The following LRRIQ1 variants were observed in gnomAD, a reference collection of about 807,000 sequenced individuals.
LRRIQ1 encodes the protein leucine rich repeats and IQ motif containing 1.
A neutral mutation model predicts 211.9 loss-of-function variants in LRRIQ1; 210 were observed. The observed-to-expected ratio is 0.99, with a 90% CI of 0.89 to 1.11. LRRIQ1 has a LOEUF of 1.11. Ranked by LOEUF, LRRIQ1 falls within the 50% of genes most tolerant of loss-of-function variation. The pLI is 0.00. For synonymous variants in LRRIQ1, 699 were observed against 650.1 expected (o/e 1.08, Z -1.14); for missense variants, 2,136 against 1,939.5 (o/e 1.10, Z -1.90).
intron 24 of LRRIQ1, among the ~76,000 whole-genome samples, chr12:85,215,127 TA>T (rs1317849828): frequency 1.3e-5 from 2 of 151,942 alleles, no homozygotes; most frequent in Non-Finnish European, 2.9e-5. Context: ...CACAAACAAA[TA>T]AACAACAAAA....
chr12:85,160,777 T>C, intron 24 of LRRIQ1, 63 bp downstream of exon 24: 1 of 870,354 alleles, frequency 1.1e-6, no homozygotes, highest in Non-Finnish European at 1.7e-6. Flanking sequence ...AAGAATTATA[T>C]TTACAATAAA....
intron 18 of LRRIQ1, among the ~76,000 whole-genome samples, chr12:85,131,938 A>C (rs1181068863): frequency 6.6e-6 from 1 of 152,202 alleles, no homozygotes; most frequent in Non-Finnish European, 1.5e-5. Context: ...ACATGTTTAC[A>C]TGACCATTAT....
intron 11 of LRRIQ1, among the ~76,000 whole-genome samples, chr12:85,080,936 G>A (rs1427642621): frequency 2.6e-5 from 4 of 151,876 alleles, no homozygotes; most frequent in African/African-American, 2.4e-5. Context: ...ACCAATTAGA[G>A]GCTAGTATAT....
intron 1 of LRRIQ1, among the ~76,000 whole-genome samples, chr12:85,256,172 T>G (rs1040169538): frequency 2.0e-5 from 3 of 151,572 alleles, no homozygotes; most frequent in Non-Finnish European, 3.0e-5. Context: ...AAAGACAAAT[T>G]TCATCTGTAT....
Position 85,128,104 on chromosome 12 carries a change from T to TA in LRRIQ1, c.4209+76dup, listed in dbSNP as rs554282720. On this transcript the variant is annotated intron_variant, in intron 18 of 26. Coordinates refer to ENST00000393217, the MANE Select transcript of LRRIQ1 (RefSeq NM_001079910.2). ...TTGTCTTTCATGATTTATTCTGTAT[T>TA]AAAAATAACCTCCAAATCTCAGTGA... 2,336 of 1,142,454 alleles carry TA rather than the reference T, an allele frequency of 2.0e-3. 6 individuals are homozygous for TA. Among genetic ancestry groups the TA allele is most frequent in the Non-Finnish European group, 2.8e-3 (2,182 of 773,958 alleles). 70.8% of individuals were successfully genotyped at this position (1,142,454 alleles called of 1,614,324 possible).
chr12:85,174,700 T>TAAAAAAAAAAAAAAAAAAA (rs1565884602), intron 24 of LRRIQ1, among the ~76,000 whole-genome samples: 1 of 12,462 alleles, frequency 8.0e-5, no homozygotes, highest in Admixed American at 1.0e-3. Flanking sequence ...AGAGTACAGC[T>TAAAAAAAAAAAAAAAAAAA]CAAAAAAAAA....
Position 85,154,080 on chromosome 12 carries a change from T to C in LRRIQ1, c.4706T>C (p.Leu1569Pro), listed in dbSNP as rs748123760. The change falls in exon 23 of 27, where the codon CTA (leucine) becomes CCA (proline). Residue 1569 changes from leucine to proline, a missense_variant. Transcript: ENST00000393217. ...GCACAGAAAATGAAATCGAAGAAAC[T>C]AAAGAAAAAAATAGGTGAGTAATTA... ...KRAQKMKSKK[L>P]KKKIDSTVRL... 69 of 1,563,382 alleles carry C rather than the reference T, an allele frequency of 4.4e-5. No homozygotes were observed. Among genetic ancestry groups the C allele is most frequent in the Non-Finnish European group, 5.8e-5 (67 of 1,153,200 alleles).
intron 24 of LRRIQ1, among the ~76,000 whole-genome samples, chr12:85,185,171 A>T (rs1264619503): frequency 6.6e-6 from 1 of 151,916 alleles, no homozygotes; most frequent in Non-Finnish European, 1.5e-5. Context: ...ATTTTTATTG[A>T]TAATATATCA....
At chr12:85,149,144 CTTTAA>C (rs1328314881) in intron 19 of LRRIQ1, among the ~76,000 whole-genome samples, 1 of 151,834 alleles carries the variant, frequency 6.6e-6, no homozygotes, top group Non-Finnish European at 1.5e-5. Flanking sequence ...AGCAGAAGCT[CTTTAA>C]TTTAATTAGA....
At chr12:85,197,970 A>AGT (rs1491169840) in intron 24 of LRRIQ1, among the ~76,000 whole-genome samples, 1 of 108,176 alleles carries the variant, frequency 9.2e-6, no homozygotes, top group Non-Finnish European at 1.7e-5. Flanking sequence ...TTATATATAA[A>AGT]TATATATAAT....
rs1003651333 is a variant in LRRIQ1 at position 85,056,961 on chromosome 12, A to T, written c.2168A>T (p.Asp723Val). 1 of 1,612,074 alleles carries T rather than the reference A, an allele frequency of 6.2e-7. No individual in the cohort carries two copies. Among genetic ancestry groups the T allele is most frequent in the African/African-American group, 1.3e-5 (1 of 74,778 alleles). ...TGCCATGAAAATGCACCTGAACCTG[A>T]TAGCATGACCTGCTGTGTATCAGAG... ...EKCHENAPEP[D>V]SMTCCVSEST... The change falls in exon 8 of 27, where the codon GAT becomes GTT. Residue 723 changes from aspartate (D) to valine (V), a missense_variant. By Grantham distance (152) the Asp-to-Val change is radical. Coordinates refer to ENST00000393217, the MANE Select transcript of LRRIQ1 (RefSeq NM_001079910.2).
At chr12:85,045,942 T>G in intron 4 of LRRIQ1, 78 bp from the exon 5 acceptor site, 1 of 680,834 alleles carries the variant, frequency 1.5e-6, no homozygotes, top group Non-Finnish European at 2.4e-6. Flanking sequence ...CATATAAATA[T>G]TTAATGTATT....
chr12:85,188,683 G>A (rs887213532), intron 24 of LRRIQ1, among the ~76,000 whole-genome samples: 2 of 152,070 alleles, frequency 1.3e-5, no homozygotes, highest in South Asian at 4.1e-4. Flanking sequence ...AACTGTGGCT[G>A]TCTTAGTGCT....
At chr12:85,267,613 T>A (rs1262753477), downstream of LRRIQ1, among the ~76,000 whole-genome samples, 1 of 152,012 alleles carries the variant, frequency 6.6e-6, no homozygotes, top group African/African-American at 2.4e-5. Context: ...ACAAGGAGAC[T>A]TAGTAAGGGT....
At chr12:85,129,115 G>C (rs1888580689) in intron 18 of LRRIQ1, among the ~76,000 whole-genome samples, 1 of 152,092 alleles carries the variant, frequency 6.6e-6, no homozygotes, top group Admixed American at 6.6e-5. Flanking sequence ...GGTCCCCACA[G>C]GCAGTTCACA....
chr12:85,141,076 C>A (rs1889501061), intron 19 of LRRIQ1, among the ~76,000 whole-genome samples: 1 of 151,012 alleles, frequency 6.6e-6, no homozygotes, highest in Non-Finnish European at 1.5e-5. Flanking sequence ...ATTATGTTGG[C>A]CTTATACATT....
At chr12:85,044,487 T>C (rs898124569) in intron 3 of LRRIQ1, among the ~76,000 whole-genome samples, 2 of 151,928 alleles carry the variant, frequency 1.3e-5, no homozygotes, top group Non-Finnish European at 2.9e-5. Flanking sequence ...ATATGGAAAA[T>C]GATAGAGTCA....
In LRRIQ1 at chr12:85,198,653, C is replaced by T. The variant is rs189827891; in HGVS notation, c.4823-30864C>T. ...TGCTATCTCAGCTCACTGCAAGCTC[C>T]GCCTCCTGGGTTCACTCCATTCTCC... On this transcript the variant is annotated intron_variant, in intron 24 of 26. Transcript: ENST00000393217. 2.5e-4 allele frequency among the ~76,000 whole-genome samples: 38 copies of T among 151,812 alleles called. No homozygotes were observed. In the East Asian group the frequency reaches 7.2e-3, roughly 29 times the overall value.
chr12:85,206,143 T>C (rs1226823019), intron 24 of LRRIQ1, among the ~76,000 whole-genome samples: 1 of 152,194 alleles, frequency 6.6e-6, no homozygotes, highest in African/African-American at 2.4e-5. Context: ...GGCAGAACAC[T>C]GGTGAGCCTG....
Sources: gnomAD v4.1 joint callset for allele counts (sites outside exome capture counted in the v4.1 genomes callset) on GRCh38, gnomAD v4.1.1 for gene constraint, MANE v1.5 for transcripts, NCBI Gene and HGNC (gene_info 2026-07-23, HGNC 2026-07-21) for gene names.